Variants in FAM168A observed in about 807,000 individuals in gnomAD.
FAM168A encodes the protein family with sequence similarity 168 member A.
Under a neutral mutation model 28.5 loss-of-function variants are expected in FAM168A, and 3 were observed. The ratio of observed to expected loss-of-function variants is 0.11; its 90% CI spans 0.05 to 0.27. The LOEUF is 0.27. FAM168A is among the 10% of genes least tolerant of loss of function. The pLI, the probability that FAM168A is intolerant of heterozygous loss-of-function variation, is 1.00. For synonymous variants in FAM168A, 122 were observed against 124.2 expected, an observed-to-expected ratio of 0.98 and a Z score of 0.12; for missense variants, 222 against 311.5, an observed-to-expected ratio of 0.71 and a Z score of 2.16.
intron 1 of FAM168A, among the ~76,000 whole-genome samples, chr11:73,511,087 C>G (rs1855214465): frequency 6.6e-6 from 1 of 152,070 alleles, no homozygotes; most frequent in Admixed American, 6.5e-5. Context: ...AGTCAGGAGC[C>G]TGGAGACACA....
intron 1 of FAM168A, among the ~76,000 whole-genome samples, chr11:73,522,734 C>T (rs1304757551): frequency 1.3e-5 from 2 of 151,512 alleles, no homozygotes; most frequent in Non-Finnish European, 2.9e-5. Context: ...ACAATGAGGC[C>T]AGGCATGGTG....
rs1866455164 is a variant in FAM168A at position 73,403,791 on chromosome 11, G to A, written c.*2972C>T. On this transcript the variant is annotated 3_prime_UTR_variant, in exon 8 of 8. Coordinates refer to ENST00000356467, the MANE Select transcript of FAM168A (RefSeq NM_015159.3). ...GCAAGAGGCTGAGGCCGGCTGAACT[G>A]GGGCTCATACTGAAAAAGGGGTGCT... is the stretch of plus-strand genomic sequence containing the variant. The A allele has an allele frequency of 6.6e-6, 1 of 152,228 alleles. No individual in the cohort carries two copies. 9.4% of individuals were successfully genotyped at this position (152,228 alleles called of 1,614,324 possible).
intron 1 of FAM168A, among the ~76,000 whole-genome samples, chr11:73,502,299 A>G (rs1855024428): frequency 6.6e-6 from 1 of 152,156 alleles, no homozygotes; most frequent in South Asian, 2.1e-4. Context: ...AAAATAAAAA[A>G]TGACAAAGGG....
At chr11:73,503,956 G>C (rs1855060604) in intron 1 of FAM168A, among the ~76,000 whole-genome samples, 1 of 152,214 alleles carries the variant, frequency 6.6e-6, no homozygotes, top group Non-Finnish European at 1.5e-5. Flanking sequence ...GCCATATGCA[G>C]AAAACTGAAA....
intron 1 of FAM168A, among the ~76,000 whole-genome samples, chr11:73,583,499 A>G (rs7118451): frequency 0.051 from 7,715 of 152,284 alleles, 241 homozygotes; most frequent in African/African-American, 0.074. Context: ...ACTCCTGTCC[A>G]CTGCAAGTGG....
chr11:73,535,122 G>C lies in FAM168A; in HGVS notation c.-19+62801C>G, dbSNP rs1590839188. The stretch of plus-strand genomic sequence containing the variant: ...CCCAGGCAAATCATCACACAGAGAA[G>C]TCCACACTCAGTAAGCCCAACTCAT... On this transcript the variant is annotated intron_variant, in intron 1 of 7. Transcript: ENST00000356467. Among the ~76,000 whole-genome samples the C allele has an allele frequency of 2.0e-5, 3 of 152,008 alleles. 1 individual carries two copies. The East Asian group carries it at 5.8e-4, about 29-fold the overall frequency.
At chr11:73,482,980 T>A (rs930650739) in intron 1 of FAM168A, among the ~76,000 whole-genome samples, 2 of 152,146 alleles carry the variant, frequency 1.3e-5, no homozygotes, top group South Asian at 4.1e-4. Context: ...CCTCAGGTGA[T>A]CTGCCCACCT....
At chr11:73,511,300 G>A (rs569254514) in intron 1 of FAM168A, among the ~76,000 whole-genome samples, 2 of 151,540 alleles carry the variant, frequency 1.3e-5, no homozygotes, top group African/African-American at 2.4e-5. Flanking sequence ...TGCAGTGTGC[G>A]ATCTCAGCTC....
chr11:73,456,800 C>T (rs1282473187), intron 2 of FAM168A, among the ~76,000 whole-genome samples: 2 of 152,230 alleles, frequency 1.3e-5, no homozygotes, highest in Non-Finnish European at 2.9e-5. Flanking sequence ...AATGAAGAGG[C>T]TGGTAAAATT....
intron 3 of FAM168A, among the ~76,000 whole-genome samples, chr11:73,421,629 A>C (rs1195555669): frequency 6.6e-6 from 1 of 152,154 alleles, no homozygotes; most frequent in Non-Finnish European, 1.5e-5. Flanking sequence ...GGGGTGGGAA[A>C]CAGGAAAGGG....
chr11:73,539,475 T>G (rs1426011837), intron 1 of FAM168A, among the ~76,000 whole-genome samples: 2 of 152,126 alleles, frequency 1.3e-5, no homozygotes, highest in Non-Finnish European at 2.9e-5. Flanking sequence ...TTTACTGTGT[T>G]ACCCAGGATG....
intron 2 of FAM168A, among the ~76,000 whole-genome samples, chr11:73,434,413 TAATC>T (rs1469785374): frequency 6.6e-6 from 1 of 152,210 alleles, no homozygotes. Flanking sequence ...TTAAACATGA[TAATC>T]AAAGTAAGAC....
At chr11:73,578,099 A>T (rs898859004) in intron 1 of FAM168A, among the ~76,000 whole-genome samples, 2 of 152,222 alleles carry the variant, frequency 1.3e-5, no homozygotes, top group African/African-American at 4.8e-5. Flanking sequence ...AAGAGACATT[A>T]TGCTAGGCTC....
intron 2 of FAM168A, among the ~76,000 whole-genome samples, chr11:73,460,702 C>T (rs1312451657): frequency 2.0e-5 from 3 of 152,026 alleles, no homozygotes; most frequent in South Asian, 4.1e-4. Flanking sequence ...CGGGGTTTCA[C>T]CATGTTGGCC....
At chr11:73,589,077 A>G (rs1944350130) in intron 1 of FAM168A, among the ~76,000 whole-genome samples, 1 of 152,232 alleles carries the variant, frequency 6.6e-6, no homozygotes, top group African/African-American at 2.4e-5. Flanking sequence ...CTGCGAAAAA[A>G]TAAATTTTTG....
intron 1 of FAM168A, among the ~76,000 whole-genome samples, chr11:73,544,539 C>T (rs2134681573): frequency 6.6e-6 from 1 of 150,870 alleles, no homozygotes; most frequent in Admixed American, 6.7e-5. Flanking sequence ...AAATGTCCAT[C>T]AACTGATAAA....
chr11:73,512,491 T>C (rs1855244471), intron 1 of FAM168A, among the ~76,000 whole-genome samples: 1 of 152,066 alleles, frequency 6.6e-6, no homozygotes, highest in African/African-American at 2.4e-5. Flanking sequence ...GATGTGATAT[T>C]TGCACAAGTC....
intron 1 of FAM168A, among the ~76,000 whole-genome samples, chr11:73,515,528 A>G (rs1457723528): frequency 6.6e-6 from 1 of 151,358 alleles, no homozygotes; most frequent in Non-Finnish European, 1.5e-5. Flanking sequence ...AAAAAAAAGA[A>G]AAGAAACAAC....
intron 1 of FAM168A, among the ~76,000 whole-genome samples, chr11:73,572,147 T>G (rs1206591762): frequency 1.4e-5 from 2 of 145,988 alleles, no homozygotes; most frequent in Non-Finnish European, 3.0e-5. Flanking sequence ...AGCCACCCCG[T>G]CCGGGAGGGA....
Sources: allele counts gnomAD v4.1 joint callset (sites outside exome capture counted in the v4.1 genomes callset), GRCh38; gene constraint gnomAD v4.1.1; transcripts MANE v1.5; gene names NCBI Gene and HGNC (gene_info 2026-07-23, HGNC 2026-07-21).